RBFOX1: variants seen among roughly 807,000 people sequenced by gnomAD.
RBFOX1 encodes RNA binding fox-1 homolog 1, also known as RNA binding protein fox-1 homolog 1.
RBFOX1 carries 8 observed loss-of-function variants against 57.7 expected under a neutral mutation model. That is an observed-to-expected ratio of 0.14 (90% CI 0.08 to 0.25). The LOEUF is 0.25. RBFOX1 is among the 10% of genes least tolerant of loss of function. RBFOX1 has a pLI of 1.00. For synonymous variants in RBFOX1, 326 were observed against 222.4 expected (o/e 1.47, Z -4.15); for missense variants, 611 against 548.5 (o/e 1.11, Z -1.14).
At chr16:6,378,730 C>A (rs1048696353) in intron 2 of RBFOX1, among the ~76,000 whole-genome samples, 1 of 152,148 alleles carries the variant, frequency 6.6e-6, no homozygotes, top group Admixed American at 6.5e-5. Flanking sequence ...TATGCCAACC[C>A]CCTCATCACT....
chr16:5,283,996 G>T (rs1011234487), intron 1 of RBFOX1, among the ~76,000 whole-genome samples: 3 of 152,216 alleles, frequency 2.0e-5, no homozygotes, highest in Middle Eastern at 3.4e-3. Flanking sequence ...GTTATTGGAG[G>T]GACCTAGTGG....
chr16:7,214,797 A>G (rs2091757666), intron 4 of RBFOX1, among the ~76,000 whole-genome samples: 1 of 152,160 alleles, frequency 6.6e-6, no homozygotes, highest in African/African-American at 2.4e-5. Context: ...AAAATGAAGT[A>G]GACACATGTT....
At chr16:5,425,457 C>G (rs899293417) in intron 1 of RBFOX1, among the ~76,000 whole-genome samples, 4 of 152,116 alleles carry the variant, frequency 2.6e-5, no homozygotes, top group African/African-American at 9.7e-5. Context: ...ATGGAGATCT[C>G]CTCCCTGCCA....
intron 1 of RBFOX1, among the ~76,000 whole-genome samples, chr16:6,087,356 T>TTATATA (rs80048104): frequency 6.7e-6 from 1 of 150,342 alleles, no homozygotes; most frequent in African/African-American, 2.4e-5. Context: ...TCTTTAACGT[T>TTATATA]TATATATATA....
At chr16:6,780,996 G>C (rs1018833801) in intron 3 of RBFOX1, among the ~76,000 whole-genome samples, 2 of 151,992 alleles carry the variant, frequency 1.3e-5, no homozygotes, top group Non-Finnish European at 1.5e-5. Context: ...TTTTTAGCTT[G>C]ATGTGATCCC....
At chr16:7,284,652 T>A (rs1304334958) in intron 4 of RBFOX1, among the ~76,000 whole-genome samples, 1 of 152,144 alleles carries the variant, frequency 6.6e-6, no homozygotes, top group Non-Finnish European at 1.5e-5. Context: ...CATAAAGATG[T>A]TTTTTAAGAG....
chr16:5,436,212 A>T (rs188053233), intron 1 of RBFOX1, among the ~76,000 whole-genome samples: 1 of 152,274 alleles, frequency 6.6e-6, no homozygotes, highest in East Asian at 1.9e-4. Flanking sequence ...AGGAGGCCTC[A>T]AAAGGGGGCT....
chr16:6,966,980 A>G (rs62016380), intron 3 of RBFOX1, among the ~76,000 whole-genome samples: 49,473 of 151,644 alleles, frequency 0.33, 10,270 homozygotes, highest in Non-Finnish European at 0.46. Context: ...ACATTCATCC[A>G]TCATCTACTT....
chr16:5,535,359 A>G (rs1350808639), intron 2 of RBFOX1, among the ~76,000 whole-genome samples: 3 of 152,210 alleles, frequency 2.0e-5, no homozygotes, highest in African/African-American at 7.2e-5. Flanking sequence ...TTCATTTCCA[A>G]TTGTAAGCCT....
chr16:6,892,151 C>T (rs1239089146), intron 3 of RBFOX1, among the ~76,000 whole-genome samples: 1 of 152,136 alleles, frequency 6.6e-6, no homozygotes, highest in Admixed American at 6.5e-5. Flanking sequence ...TGATTGCAGA[C>T]CCTCTTTGCA....
chr16:7,369,692 A>T (rs28393883), intron 4 of RBFOX1, among the ~76,000 whole-genome samples: 125 of 152,268 alleles, frequency 8.2e-4, no homozygotes, highest in African/African-American at 3.0e-3. Context: ...TGGAGGGGCT[A>T]TTTGCCATGG....
chr16:6,679,050 C>G (rs1019692674), intron 3 of RBFOX1, among the ~76,000 whole-genome samples: 1 of 152,078 alleles, frequency 6.6e-6, no homozygotes, highest in African/African-American at 2.4e-5. Flanking sequence ...ATATCTCTAA[C>G]ACCTCTCTAA....
intron 1 of RBFOX1, among the ~76,000 whole-genome samples, chr16:6,204,299 C>T (rs1386350744): frequency 1.3e-5 from 2 of 152,126 alleles, no homozygotes; most frequent in East Asian, 3.9e-4. Flanking sequence ...TTGGTAATTT[C>T]ATGAGTCAAT....
intron 3 of RBFOX1, among the ~76,000 whole-genome samples, chr16:7,050,844 G>C (rs567476777): frequency 9.0e-4 from 137 of 151,936 alleles, no homozygotes; most frequent in African/African-American, 3.2e-3. Flanking sequence ...ATAAACATTT[G>C]TGTGCCTCTG....
intron 10 of RBFOX1, among the ~76,000 whole-genome samples, chr16:7,608,316 T>C (rs2056753861): frequency 6.6e-6 from 1 of 152,346 alleles, no homozygotes; most frequent in African/African-American, 2.4e-5. Context: ...CACAGAAAAC[T>C]TAGCTACTCT....
chr16:6,972,506 G>T (rs1177116936), intron 3 of RBFOX1, among the ~76,000 whole-genome samples: 1 of 152,172 alleles, frequency 6.6e-6, no homozygotes, highest in Non-Finnish European at 1.5e-5. Flanking sequence ...CATTTGGGTT[G>T]CCGCCACTTG....
At chr16:7,385,508 A>G (rs185680447) in intron 4 of RBFOX1, among the ~76,000 whole-genome samples, 20 of 152,286 alleles carry the variant, frequency 1.3e-4, no homozygotes, top group African/African-American at 4.8e-4. Flanking sequence ...TCTCAAATAG[A>G]AAGTAGTGAG....
chr16:6,718,793 G>T (rs2065345230), intron 3 of RBFOX1, among the ~76,000 whole-genome samples: 1 of 152,160 alleles, frequency 6.6e-6, no homozygotes, highest in Non-Finnish European at 1.5e-5. Context: ...GTTGACTCCA[G>T]TCTCCGCATA....
chr16:6,214,198 C>G (rs149250097), intron 1 of RBFOX1, among the ~76,000 whole-genome samples: 1 of 152,236 alleles, frequency 6.6e-6, no homozygotes, highest in Admixed American at 6.5e-5. Context: ...CTCCATCTCT[C>G]TCATGTTTCC....
Sources: allele counts gnomAD v4.1 joint callset (sites outside exome capture counted in the v4.1 genomes callset), GRCh38; gene constraint gnomAD v4.1.1; transcripts MANE v1.5; gene names NCBI Gene and HGNC (gene_info 2026-07-23, HGNC 2026-07-21).